Variants in TFPI observed in about 807,000 individuals in gnomAD.
TFPI encodes anti-convertin.
Under a neutral mutation model 34.6 loss-of-function variants are expected in TFPI, and 15 were observed. That is an observed-to-expected ratio of 0.43 (90% CI 0.29 to 0.67). The LOEUF (loss-of-function observed/expected upper bound fraction) is 0.67, where lower values mean the gene tolerates loss of function less well. Ranked by LOEUF, TFPI falls within the 30% of genes least tolerant of loss-of-function variation. The probability of loss-of-function intolerance (pLI) is 0.15; values close to 1 mark genes in which losing one functional copy is unlikely to be tolerated. For missense variants in TFPI, 301 were observed against 364.0 expected, an observed-to-expected ratio of 0.83 and a Z score of 1.41; for synonymous variants, 105 against 120.1, an observed-to-expected ratio of 0.87 and a Z score of 0.82.
intron 3 of TFPI, among the ~76,000 whole-genome samples, chr2:187,491,020 T>C (rs1218985227): frequency 6.6e-6 from 1 of 151,872 alleles, no homozygotes; most frequent in Non-Finnish European, 1.5e-5. Flanking sequence ...CATATTTTTC[T>C]CCTTCCTTCC....
intron 6 of TFPI, among the ~76,000 whole-genome samples, chr2:187,479,001 G>A (rs1247593545): frequency 6.6e-6 from 1 of 151,116 alleles, no homozygotes; most frequent in Admixed American, 6.6e-5. Context: ...ATCATAGTAA[G>A]AAGCCAGGGG....
intron 6 of TFPI, among the ~76,000 whole-genome samples, chr2:187,482,470 C>T (rs892968993): frequency 4.6e-5 from 7 of 151,944 alleles, no homozygotes; most frequent in Admixed American, 2.0e-4. Context: ...TTTTTACGAA[C>T]GAAGTAGTAT....
chr2:187,478,162 C>T (rs1373297031), intron 6 of TFPI, among the ~76,000 whole-genome samples: 1 of 152,078 alleles, frequency 6.6e-6, no homozygotes, highest in Non-Finnish European at 1.5e-5. Context: ...GAGTTCGAGA[C>T]TAGCCTGGCC....
intron 3 of TFPI, among the ~76,000 whole-genome samples, chr2:187,490,381 C>A (rs938368283): frequency 1.7e-4 from 26 of 151,562 alleles, no homozygotes; most frequent in Non-Finnish European, 3.7e-4. Context: ...CTCACTTCTG[C>A]CAACTTTTTC....
intron 6 of TFPI, among the ~76,000 whole-genome samples, chr2:187,474,514 T>C (rs984845684): frequency 6.6e-6 from 1 of 152,158 alleles, no homozygotes; most frequent in Admixed American, 6.5e-5. Flanking sequence ...ACTGAAATTA[T>C]TGAATAATGA....
intron 1 of TFPI, chr2:187,518,109 G>A (rs552229694): frequency 6.6e-6 from 1 of 152,348 alleles, no homozygotes; most frequent in East Asian, 1.9e-4. Context: ...GCCAGTCTCT[G>A]TCTTTTAATT....
intron 7 of TFPI, 115 bp from the exon 8 acceptor site, chr2:187,467,157 T>A: frequency 1.5e-6 from 1 of 682,936 alleles, no homozygotes; most frequent in Non-Finnish European, 2.3e-6. Flanking sequence ...GTTATTGATT[T>A]AAAAGCCTTT....
At chr2:187,545,077 C>T (rs543167293) in intron 1 of TFPI, among the ~76,000 whole-genome samples, 3 of 152,124 alleles carry the variant, frequency 2.0e-5, no homozygotes, top group East Asian at 3.9e-4. Flanking sequence ...TGCCACTGCG[C>T]TCCAGCCTGG....
chr2:187,509,324 G>A (rs1686454644), intron 1 of TFPI, among the ~76,000 whole-genome samples: 1 of 152,172 alleles, frequency 6.6e-6, no homozygotes, highest in South Asian at 2.1e-4. Context: ...AAATGAGTTA[G>A]GGAGGTGTCC....
intron 1 of TFPI, among the ~76,000 whole-genome samples, chr2:187,524,689 G>C (rs2106227729): frequency 6.6e-6 from 1 of 152,102 alleles, no homozygotes; most frequent in Admixed American, 6.6e-5. Context: ...ATTGTGAAAT[G>C]GTGCCATAAA....
intron 1 of TFPI, among the ~76,000 whole-genome samples, chr2:187,513,357 A>G (rs1686777732): frequency 1.3e-5 from 2 of 152,236 alleles, no homozygotes; most frequent in South Asian, 4.1e-4. Context: ...TTAAAAATTG[A>G]ATAAATATGT....
chr2:187,496,126 A>G (rs1343236668), intron 3 of TFPI, among the ~76,000 whole-genome samples: 2 of 152,168 alleles, frequency 1.3e-5, no homozygotes, highest in African/African-American at 2.4e-5. Flanking sequence ...TAATATTAAT[A>G]TAAAACATTG....
intron 1 of TFPI, chr2:187,517,823 TC>T (rs1200033946): frequency 2.0e-5 from 3 of 152,266 alleles, no homozygotes; most frequent in Admixed American, 1.3e-4. Context: ...ATCTGGGTGC[TC>T]CTGTATTGGG....
At chr2:187,544,452 T>A (rs1211840237) in intron 1 of TFPI, 3 of 152,182 alleles carry the variant, frequency 2.0e-5, no homozygotes, top group Non-Finnish European at 4.4e-5. Context: ...AGTAAATTGA[T>A]ATTACAAACA....
chr2:187,543,280 A>G (rs1688677835), intron 1 of TFPI, among the ~76,000 whole-genome samples: 1 of 152,234 alleles, frequency 6.6e-6, no homozygotes, highest in African/African-American at 2.4e-5. Flanking sequence ...CAACATAATT[A>G]AAGTTATTAG....
intron 1 of TFPI, among the ~76,000 whole-genome samples, chr2:187,521,507 C>A (rs899773679): frequency 1.3e-5 from 2 of 151,806 alleles, no homozygotes; most frequent in Non-Finnish European, 1.5e-5. Context: ...TTTTGAGAAA[C>A]CTTCATATTA....
chr2:187,467,187 G>A, intron 7 of TFPI, 145 bp from the exon 8 acceptor site: 1 of 537,228 alleles, frequency 1.9e-6, no homozygotes, highest in Non-Finnish European at 3.2e-6. Flanking sequence ...ATGTATTCGT[G>A]TAGAACAATT....
intron 2 of TFPI, 58 bp downstream of exon 2, chr2:187,503,590 T>A (rs1348567756): frequency 6.4e-7 from 1 of 1,566,250 alleles, no homozygotes; most frequent in Non-Finnish European, 8.7e-7. Flanking sequence ...GTAGATTTTT[T>A]AGATTAAAAT....
Position 187,535,086 on chromosome 2 carries a change from A to T in TFPI, c.-3+19114T>A, listed in dbSNP as rs539896820. 2.6e-5 allele frequency among the ~76,000 whole-genome samples: 4 copies of T among 152,254 alleles called. No individual in the cohort carries two copies. In the East Asian group the frequency reaches 7.7e-4, roughly 29 times the overall value. On this transcript the variant is annotated intron_variant, in intron 1 of 7. Transcript: ENST00000233156. ...AATACAGGAGCACCCAGATTCATAA[A>T]GCAAGTTATTAGAGACCTACGAAGA...
Sources: gnomAD v4.1 joint callset for allele counts (sites outside exome capture counted in the v4.1 genomes callset) on GRCh38, gnomAD v4.1.1 for gene constraint, MANE v1.5 for transcripts, NCBI Gene and HGNC (gene_info 2026-07-23, HGNC 2026-07-21) for gene names.